GRIN3A: variants seen among roughly 807,000 people sequenced by gnomAD.
GRIN3A encodes glutamate receptor ionotropic, NMDA 3A.
Under a neutral mutation model 92.4 loss-of-function variants are expected in GRIN3A, and 47 were observed. The ratio of observed to expected loss-of-function variants is 0.51; its 90% CI spans 0.40 to 0.65. The LOEUF (loss-of-function observed/expected upper bound fraction) is 0.65. Among genes scored for constraint, GRIN3A ranks in the 30% least tolerant of loss-of-function variants. GRIN3A has a pLI of 0.00. For synonymous variants in GRIN3A, 527 were observed against 540.6 expected (o/e 0.97, Z 0.35); for missense variants, 1,324 against 1,393.1 (o/e 0.95, Z 0.79).
At chr9:101,662,404 A>C (rs536711238) in intron 3 of GRIN3A, among the ~76,000 whole-genome samples, 24 of 151,882 alleles carry the variant, frequency 1.6e-4, no homozygotes, top group Middle Eastern at 3.4e-3. Context: ...AAGGTGCTTT[A>C]CTTGAATTAT....
intron 1 of GRIN3A, among the ~76,000 whole-genome samples, chr9:101,736,247 C>T (rs537794041): frequency 5.9e-5 from 9 of 152,154 alleles, no homozygotes; most frequent in Non-Finnish European, 1.2e-4. Flanking sequence ...GTTTCTCAGT[C>T]GTTAAAATGG....
chr9:101,667,214 A>G (rs1803238753), intron 3 of GRIN3A, among the ~76,000 whole-genome samples: 1 of 151,890 alleles, frequency 6.6e-6, no homozygotes, highest in South Asian at 2.1e-4. Context: ...TATTATAAGG[A>G]GCAGAATGAA....
intron 3 of GRIN3A, among the ~76,000 whole-genome samples, chr9:101,643,453 A>C (rs893792537): frequency 6.6e-6 from 1 of 152,094 alleles, no homozygotes; most frequent in Non-Finnish European, 1.5e-5. Flanking sequence ...TGACAGTGGT[A>C]TTGTAAAATG....
Position 101,573,511 on chromosome 9 carries a change from G to C in GRIN3A, c.3011C>G (p.Ser1004Cys). The C allele has an allele frequency of 6.2e-7, 1 of 1,612,488 alleles. No homozygotes were observed. Among genetic ancestry groups the C allele is most frequent in the Non-Finnish European group, 8.5e-7 (1 of 1,178,626 alleles). Residue 1004 changes from serine to cysteine, a missense_variant and splice_region_variant, in exon 9 of 9, where the codon TCT becomes TGT. Ser to Cys is a moderately radical substitution (Grantham distance 112). Coordinates refer to ENST00000361820, the MANE Select transcript of GRIN3A (RefSeq NM_133445.3). ...HFKTKRVEKR[S>C]NVGPRQLTVW... is the part of the protein sequence containing the mutation. Reference sequence around the variant, plus strand: ...GGTAAGCTGACGGGGTCCCACATTAGACCTAGGAAACAGAGAAATTTTAGA... The same window carrying C: ...GGTAAGCTGACGGGGTCCCACATTACACCTAGGAAACAGAGAAATTTTAGA...
chr9:101,633,477 A>G (rs914847245), intron 3 of GRIN3A, among the ~76,000 whole-genome samples: 2 of 152,178 alleles, frequency 1.3e-5, no homozygotes, highest in African/African-American at 2.4e-5. Context: ...CTGAGTCATC[A>G]GTGGACGATT....
chr9:101,636,183 T>A (rs138759503), intron 3 of GRIN3A, among the ~76,000 whole-genome samples: 7 of 152,350 alleles, frequency 4.6e-5, no homozygotes, highest in African/African-American at 1.7e-4. Context: ...GCACTCACTT[T>A]AGCTGAGTTT....
At chr9:101,655,144 C>T (rs1829068565) in intron 3 of GRIN3A, among the ~76,000 whole-genome samples, 1 of 151,900 alleles carries the variant, frequency 6.6e-6, no homozygotes, top group Non-Finnish European at 1.5e-5. Flanking sequence ...AACTTTTGCC[C>T]ATGGGGAGCT....
chr9:101,666,851 TTCAGTGACCAAATCTATA>T (rs1295484954), intron 3 of GRIN3A, among the ~76,000 whole-genome samples: 1 of 152,056 alleles, frequency 6.6e-6, no homozygotes, highest in African/African-American at 2.4e-5. Flanking sequence ...ACATCCTTTC[TTCAGTGACCAAATCTATA>T]TCAGTGACCA....
chr9:101,610,505 C>T (rs1023325445), intron 6 of GRIN3A, among the ~76,000 whole-genome samples: 6 of 152,222 alleles, frequency 3.9e-5, no homozygotes, highest in African/African-American at 1.4e-4. Flanking sequence ...TCCTATGTTT[C>T]TTTTTGTCAT....
intron 1 of GRIN3A, among the ~76,000 whole-genome samples, chr9:101,706,010 A>G (rs1166098442): frequency 1.3e-5 from 2 of 152,220 alleles, no homozygotes; most frequent in Non-Finnish European, 2.9e-5. Context: ...AACGAGAAGC[A>G]AGAATCATTT....
intron 1 of GRIN3A, among the ~76,000 whole-genome samples, chr9:101,726,536 T>C (rs1367415306): frequency 6.6e-6 from 1 of 152,114 alleles, no homozygotes; most frequent in Non-Finnish European, 1.5e-5. Flanking sequence ...ATGGTGGGAG[T>C]TTCTCTTCCT....
intron 6 of GRIN3A, among the ~76,000 whole-genome samples, chr9:101,607,778 G>A (rs1215381590): frequency 1.3e-5 from 2 of 152,178 alleles, no homozygotes; most frequent in Non-Finnish European, 1.5e-5. Flanking sequence ...GAAGCAAAAG[G>A]GATGGCAAGC....
At chr9:101,734,894 C>G (rs183511780) in intron 1 of GRIN3A, among the ~76,000 whole-genome samples, 1 of 151,904 alleles carries the variant, frequency 6.6e-6, no homozygotes, top group African/African-American at 2.4e-5. Context: ...GGGCAGTAGA[C>G]TCCGAGGATG....
intron 6 of GRIN3A, among the ~76,000 whole-genome samples, chr9:101,603,911 G>C (rs1180124492): frequency 1.3e-5 from 2 of 152,252 alleles, no homozygotes; most frequent in Non-Finnish European, 2.9e-5. Context: ...AGCCTGCTTT[G>C]ATTCCTTCTA....
intron 6 of GRIN3A, 39 bp downstream of exon 6, chr9:101,613,337 C>T: frequency 6.2e-7 from 1 of 1,609,846 alleles, no homozygotes. Flanking sequence ...TGAGGTACAG[C>T]TATACAACGT....
At chr9:101,635,603 G>T (rs1040431800) in intron 3 of GRIN3A, among the ~76,000 whole-genome samples, 1 of 152,168 alleles carries the variant, frequency 6.6e-6, no homozygotes, top group Admixed American at 6.5e-5. Context: ...ATGTCAGCAG[G>T]CTTCCTGGCA....
At chr9:101,697,074 G>A (rs1457903954) in intron 1 of GRIN3A, among the ~76,000 whole-genome samples, 1 of 152,034 alleles carries the variant, frequency 6.6e-6, no homozygotes, top group East Asian at 1.9e-4. Context: ...TATTTCATTT[G>A]AGAATTCAAA....
chr9:101,682,912 G>A (rs1345109721), intron 2 of GRIN3A, among the ~76,000 whole-genome samples: 6 of 152,230 alleles, frequency 3.9e-5, no homozygotes, highest in Admixed American at 2.0e-4. Context: ...AACCAGGGAG[G>A]CGGAGCTTGC....
chr9:101,716,773 G>A (rs371259972), intron 1 of GRIN3A, among the ~76,000 whole-genome samples: 1 of 152,144 alleles, frequency 6.6e-6, no homozygotes, highest in South Asian at 2.1e-4. Flanking sequence ...TGTTGAACTG[G>A]TGACCCTCCA....
Sources: gnomAD v4.1 joint callset for allele counts (sites outside exome capture counted in the v4.1 genomes callset) on GRCh38, gnomAD v4.1.1 for gene constraint, MANE v1.5 for transcripts, NCBI Gene and HGNC (gene_info 2026-07-23, HGNC 2026-07-21) for gene names.